The following GALNT13 variants were observed in gnomAD, a reference collection of about 807,000 sequenced individuals.
The protein encoded by GALNT13 is polypeptide N-acetylgalactosaminyltransferase 13.
In GALNT13, 28 loss-of-function variants were observed where a neutral mutation model predicts 64.2. That is an observed-to-expected ratio of 0.44 (90% CI 0.32 to 0.60). The LOEUF (loss-of-function observed/expected upper bound fraction) is 0.60, where lower values mean the gene tolerates loss of function less well. GALNT13 is among the 20% of genes least tolerant of loss of function. The pLI is 0.05. For missense variants in GALNT13, 577 were observed against 669.8 expected (o/e 0.86, Z 1.53); for synonymous variants, 214 against 224.6 (o/e 0.95, Z 0.42).
At chr2:153,085,423 A>G in the GALNT13 span, among the ~76,000 whole-genome samples, 1 of 152,128 alleles carries the variant, frequency 6.6e-6, no homozygotes, top group Non-Finnish European at 1.5e-5. Context: ...CCTAGGAGGA[A>G]AAAGGTTTTG....
the GALNT13 span, chr2:153,761,986 C>T: frequency 1.1e-5 from 2 of 176,994 alleles, no homozygotes; most frequent in Admixed American, 5.4e-5. Context: ...TATCTTCTGG[C>T]CATATTTCAT....
the GALNT13 span, among the ~76,000 whole-genome samples, chr2:153,393,267 A>ATTT: frequency 3.4e-5 from 5 of 146,042 alleles, no homozygotes; most frequent in Non-Finnish European, 6.0e-5. Context: ...AGAAGTCTCC[A>ATTT]TTTTTTTTTT....
At chr2:153,548,841 A>G in the GALNT13 span, among the ~76,000 whole-genome samples, 2 of 152,230 alleles carry the variant, frequency 1.3e-5, no homozygotes, top group African/African-American at 4.8e-5. Context: ...TCATAACAGC[A>G]TGATTCATAA....
chr2:153,855,298 T>C, the GALNT13 span, among the ~76,000 whole-genome samples: 2 of 152,142 alleles, frequency 1.3e-5, no homozygotes, highest in East Asian at 3.9e-4. Flanking sequence ...GGGAAAATAT[T>C]CCTTAAATGG....
the GALNT13 span, among the ~76,000 whole-genome samples, chr2:153,440,885 G>A: frequency 0.013 from 2,017 of 151,794 alleles, 53 homozygotes; most frequent in African/African-American, 0.046. Context: ...AAAATTTTCC[G>A]ATTCTGTAGG....
intron 9 of GALNT13, among the ~76,000 whole-genome samples, chr2:154,329,928 A>T (rs890897276): frequency 2.0e-5 from 3 of 152,174 alleles, no homozygotes; most frequent in African/African-American, 7.2e-5. Flanking sequence ...TTCTGGTGTA[A>T]TGCCTTCCTA....
chr2:153,440,292 A>G, the GALNT13 span, among the ~76,000 whole-genome samples: 1 of 152,016 alleles, frequency 6.6e-6, no homozygotes, highest in Non-Finnish European at 1.5e-5. Flanking sequence ...ATCCTTTTTC[A>G]TGGCTGCATA....
chr2:153,218,836 G>A, the GALNT13 span, among the ~76,000 whole-genome samples: 254 of 152,324 alleles, frequency 1.7e-3, no homozygotes, highest in African/African-American at 5.7e-3. Context: ...TGGTAAGAAA[G>A]TGGTCATGTT....
the GALNT13 span, among the ~76,000 whole-genome samples, chr2:153,647,165 G>A: frequency 6.6e-6 from 1 of 152,168 alleles, no homozygotes. Context: ...TCTAACTGGT[G>A]TGAGATGATA....
At chr2:154,162,006 C>A (rs551410036) in intron 4 of GALNT13, among the ~76,000 whole-genome samples, 4 of 152,170 alleles carry the variant, frequency 2.6e-5, no homozygotes, top group Non-Finnish European at 5.9e-5. Flanking sequence ...TGGTCTTGAT[C>A]TCCTGACCTT....
At chr2:153,350,891 G>C in the GALNT13 span, among the ~76,000 whole-genome samples, 1 of 151,984 alleles carries the variant, frequency 6.6e-6, no homozygotes, top group African/African-American at 2.4e-5. Context: ...GAAGCAGAAC[G>C]AGAAAAAACT....
At chr2:153,089,624 G>A in the GALNT13 span, among the ~76,000 whole-genome samples, 1 of 151,518 alleles carries the variant, frequency 6.6e-6, no homozygotes, top group Non-Finnish European at 1.5e-5. Context: ...TCTTTGGTTT[G>A]GTATTTAACA....
chr2:154,008,535 T>C (rs1696413008), intron 3 of GALNT13, among the ~76,000 whole-genome samples: 1 of 152,056 alleles, frequency 6.6e-6, no homozygotes, highest in Non-Finnish European at 1.5e-5. Context: ...ATCACCCAGG[T>C]AATAAGCATA....
chr2:153,459,371 A>G, the GALNT13 span, among the ~76,000 whole-genome samples: 1 of 152,100 alleles, frequency 6.6e-6, no homozygotes, highest in Non-Finnish European at 1.5e-5. Flanking sequence ...AGTCCCAGCT[A>G]CTCAAGAAGT....
chr2:153,739,983 T>G, the GALNT13 span, among the ~76,000 whole-genome samples: 1 of 151,946 alleles, frequency 6.6e-6, no homozygotes, highest in African/African-American at 2.4e-5. Context: ...GAAATGTTTT[T>G]TCTTCATAAA....
chr2:153,741,234 CTG>C, the GALNT13 span, among the ~76,000 whole-genome samples: 2 of 151,750 alleles, frequency 1.3e-5, no homozygotes, highest in African/African-American at 4.8e-5. Flanking sequence ...TAAATACTAT[CTG>C]TATTTTCTAT....
At chr2:153,710,637 G>A in the GALNT13 span, among the ~76,000 whole-genome samples, 1 of 152,056 alleles carries the variant, frequency 6.6e-6, no homozygotes, top group African/African-American at 2.4e-5. Context: ...AGCTCCTAGA[G>A]AGCTTATCTT....
the GALNT13 span, among the ~76,000 whole-genome samples, chr2:153,609,000 T>G: frequency 6.6e-6 from 1 of 151,190 alleles, no homozygotes; most frequent in Non-Finnish European, 1.5e-5. Flanking sequence ...CACTGCAACT[T>G]CCGCCTTCAG....
At chr2:153,910,831 T>A (rs1271181258) in intron 2 of GALNT13, among the ~76,000 whole-genome samples, 1 of 152,198 alleles carries the variant, frequency 6.6e-6, no homozygotes, top group Non-Finnish European at 1.5e-5. Flanking sequence ...TGCTGATTGT[T>A]TTATGTCCTA....
Sources: allele counts gnomAD v4.1 joint callset (sites outside exome capture counted in the v4.1 genomes callset), GRCh38; gene constraint gnomAD v4.1.1; transcripts MANE v1.5; gene names NCBI Gene and HGNC (gene_info 2026-07-23, HGNC 2026-07-21).